ZFHX3: variants seen among roughly 807,000 people sequenced by gnomAD.
ZFHX3 encodes the protein zinc finger homeobox protein 3.
ZFHX3 carries 42 observed loss-of-function variants against 279.1 expected under a neutral mutation model. The observed-to-expected ratio is 0.15, with a 90% CI of 0.12 to 0.19. The LOEUF is 0.19. Among genes scored for constraint, ZFHX3 ranks in the 10% least tolerant of loss-of-function variants. ZFHX3 has a pLI of 1.00. For synonymous variants in ZFHX3, 2,293 were observed against 1,957.8 expected, an observed-to-expected ratio of 1.17 and a Z score of -4.52; for missense variants, 4,981 against 4,754.0, an observed-to-expected ratio of 1.05 and a Z score of -1.40.
chr16:73,700,746 A>G (rs1205505868), intron 1 of ZFHX3, among the ~76,000 whole-genome samples: 4 of 152,236 alleles, frequency 2.6e-5, no homozygotes, highest in Admixed American at 2.6e-4. Context: ...TCAAGGTTCT[A>G]GGGAAATAAT....
chr16:73,454,509 A>G (rs1019980134), intron 3 of ZFHX3, among the ~76,000 whole-genome samples: 3 of 152,034 alleles, frequency 2.0e-5, no homozygotes, highest in Admixed American at 1.3e-4. Context: ...ATTTTCTCAG[A>G]AATTTGACTT....
chr16:73,641,492 T>C (rs1382634858), intron 2 of ZFHX3, among the ~76,000 whole-genome samples: 2 of 152,128 alleles, frequency 1.3e-5, no homozygotes, highest in African/African-American at 2.4e-5. Context: ...GGGTAAAATC[T>C]CTGAGAAAAT....
Position 73,105,418 on chromosome 16 carries a change from C to CACATATATATATATATACACACACAT in ZFHX3, c.-896-11821_-896-11820insATGTGTGTGTATATATATATATATGT, listed in dbSNP as rs1567389880. 1.1e-4 allele frequency among the ~76,000 whole-genome samples: 10 copies of CACATATATATATATATACACACACAT among 91,060 alleles called. 1 individual carries two copies. Among genetic ancestry groups the CACATATATATATATATACACACACAT allele is most frequent in the Non-Finnish European group, 1.9e-4 (8 of 41,748 alleles). 59.7% of individuals were successfully genotyped at this position (91,060 alleles called of 152,430 possible). On this transcript the variant is annotated intron_variant, in intron 7 of 17. Transcript: ENST00000641206. ...ACATATATATATATATACACACACACATATATATATATATACACACACACA... is the reference window on the plus strand; with the variant it reads ...ACATATATATATATATACACACACACACATATATATATATATACACACACATATATATATATATATACACACACACA...
chr16:73,879,518 G>C (rs953279807), intron 1 of ZFHX3, among the ~76,000 whole-genome samples: 7 of 151,986 alleles, frequency 4.6e-5, no homozygotes, highest in Non-Finnish European at 1.0e-4. Context: ...AATGAGAAAT[G>C]GGAAGGAGGT....
chr16:73,767,849 C>T (rs754458646), intron 1 of ZFHX3, among the ~76,000 whole-genome samples: 18 of 152,134 alleles, frequency 1.2e-4, no homozygotes, highest in Non-Finnish European at 2.5e-4. Context: ...AGAGCCCCAG[C>T]AGGAAGCAGA....
chr16:73,263,879 C>A (rs1264252775), intron 4 of ZFHX3, among the ~76,000 whole-genome samples: 1 of 152,128 alleles, frequency 6.6e-6, no homozygotes, highest in Non-Finnish European at 1.5e-5. Flanking sequence ...AAATGAGAGC[C>A]CTGATGGCCA....
At chr16:73,485,853 G>GTT (rs2018964611) in intron 2 of ZFHX3, among the ~76,000 whole-genome samples, 1 of 152,106 alleles carries the variant, frequency 6.6e-6, no homozygotes, top group Admixed American at 6.5e-5. Context: ...GACTTTCTTA[G>GTT]TCTGGGTGAA....
chr16:72,995,375 C>A (rs1300456567), intron 1 of ZFHX3, among the ~76,000 whole-genome samples: 1 of 152,118 alleles, frequency 6.6e-6, no homozygotes, highest in Non-Finnish European at 1.5e-5. Flanking sequence ...GGCAACCCAG[C>A]AAGCAGTTCA....
At chr16:72,836,679 G>GC in intron 4 of ZFHX3, among the ~76,000 whole-genome samples, 1 of 151,978 alleles carries the variant, frequency 6.6e-6, no homozygotes, top group Non-Finnish European at 1.5e-5. Context: ...AACCAACTTT[G>GC]CCCATTCCAT....
At chr16:73,365,351 T>C (rs2016512333) in intron 3 of ZFHX3, among the ~76,000 whole-genome samples, 1 of 152,236 alleles carries the variant, frequency 6.6e-6, no homozygotes, top group Admixed American at 6.5e-5. Context: ...TCCATGTTTA[T>C]TCATTCAACA....
intron 1 of ZFHX3, among the ~76,000 whole-genome samples, chr16:73,889,079 G>A (rs147159626): frequency 9.2e-5 from 14 of 152,246 alleles, no homozygotes; most frequent in African/African-American, 3.1e-4. Context: ...AGATTGATAC[G>A]GATGCCTAAT....
chr16:73,217,305 C>T, intron 5 of ZFHX3, among the ~76,000 whole-genome samples: 1 of 152,168 alleles, frequency 6.6e-6, no homozygotes, highest in East Asian at 1.9e-4. Flanking sequence ...GCCTCAGCAA[C>T]ACCTGGAGAA....
chr16:73,471,252 GGA>G (rs2018661141), intron 2 of ZFHX3, among the ~76,000 whole-genome samples: 1 of 152,190 alleles, frequency 6.6e-6, no homozygotes, highest in Non-Finnish European at 1.5e-5. Context: ...AAAGGCAAGT[GGA>G]GCACAGATGT....
At chr16:73,882,134 T>TC (rs887026837) in intron 1 of ZFHX3, among the ~76,000 whole-genome samples, 5 of 152,016 alleles carry the variant, frequency 3.3e-5, no homozygotes, top group Non-Finnish European at 2.9e-5. Context: ...AAAAAAATGT[T>TC]CCCCCCAAAC....
At chr16:72,901,279 C>T (rs763815239) in intron 3 of ZFHX3, among the ~76,000 whole-genome samples, 15 of 152,286 alleles carry the variant, frequency 9.8e-5, no homozygotes, top group Middle Eastern at 3.4e-3. Flanking sequence ...CAACCAAATG[C>T]GAGAGGAAAA....
chr16:73,165,760 G>C (rs1209080798), intron 5 of ZFHX3, among the ~76,000 whole-genome samples: 1 of 152,068 alleles, frequency 6.6e-6, no homozygotes, highest in African/African-American at 2.4e-5. Flanking sequence ...CCCCTCTAAA[G>C]AATAAGTTTG....
At chr16:73,834,292 G>A (rs1961079430) in intron 1 of ZFHX3, among the ~76,000 whole-genome samples, 1 of 152,208 alleles carries the variant, frequency 6.6e-6, no homozygotes, top group Admixed American at 6.5e-5. Flanking sequence ...AAGGAGAGAA[G>A]TGGTAAGAGC....
intron 4 of ZFHX3, among the ~76,000 whole-genome samples, chr16:72,865,944 T>TAAGTGGGAA (rs1025570849): frequency 3.3e-5 from 5 of 151,946 alleles, no homozygotes; most frequent in African/African-American, 1.2e-4. Flanking sequence ...GGGACAGCCC[T>TAAGTGGGAA]AAGTGGGAAA....
chr16:72,931,109 G>A (rs1959772331), intron 3 of ZFHX3, among the ~76,000 whole-genome samples: 2 of 152,044 alleles, frequency 1.3e-5, no homozygotes, highest in African/African-American at 4.8e-5. Context: ...AGCATGAAAC[G>A]TATGTTGCCA....
Sources: allele counts gnomAD v4.1 joint callset (sites outside exome capture counted in the v4.1 genomes callset), GRCh38; gene constraint gnomAD v4.1.1; transcripts MANE v1.5; gene names NCBI Gene and HGNC (gene_info 2026-07-23, HGNC 2026-07-21).